KIF6: variants seen among roughly 807,000 people sequenced by gnomAD.
KIF6 encodes the protein kinesin family member 6, also known as kinesin-like protein KIF6.
KIF6 carries 106 observed loss-of-function variants against 112.7 expected under a neutral mutation model. The observed-to-expected ratio is 0.94, with a 90% CI of 0.80 to 1.11. The LOEUF is 1.11. Ranked by LOEUF, KIF6 falls within the 50% of genes least tolerant of loss-of-function variation. The pLI is 0.00. For missense variants in KIF6, 929 were observed against 964.0 expected (o/e 0.96, Z 0.48); for synonymous variants, 339 against 339.9 (o/e 1.00, Z 0.03).
intron 10 of KIF6, among the ~76,000 whole-genome samples, chr6:39,559,977 T>C (rs1032140151): frequency 3.3e-5 from 5 of 152,208 alleles, no homozygotes; most frequent in African/African-American, 1.2e-4. Flanking sequence ...CCAGACATAT[T>C]TATACAAAAC....
intron 3 of KIF6, among the ~76,000 whole-genome samples, chr6:39,703,376 C>A (rs1471540074): frequency 1.3e-5 from 2 of 152,078 alleles, no homozygotes; most frequent in Non-Finnish European, 2.9e-5. Flanking sequence ...TACTGGGTAA[C>A]CCCGCAGAAA....
chr6:39,493,223 T>G (rs76992531), intron 13 of KIF6, among the ~76,000 whole-genome samples: 1 of 152,170 alleles, frequency 6.6e-6, no homozygotes. Flanking sequence ...ATGTATATTA[T>G]GGAATTTTAG....
chr6:39,592,387 A>C lies in KIF6; in HGVS notation c.846+3667T>G, dbSNP rs112050250. On this transcript the variant is annotated intron_variant, in intron 7 of 22. Coordinates refer to ENST00000287152, the MANE Select transcript of KIF6 (RefSeq NM_145027.6). The stretch of plus-strand genomic sequence containing the variant: ...TCCTATGAAAATTGACAAAATTTGG[A>C]GTGTTACAATTGGCACTGACACCAT... Among the ~76,000 whole-genome samples, 6 of 152,362 alleles carry C rather than the reference A, an allele frequency of 3.9e-5. 1 individual carries two copies. Among genetic ancestry groups the C allele is most frequent in the Admixed American group, 6.5e-5 (1 of 15,306 alleles).
intron 13 of KIF6, among the ~76,000 whole-genome samples, chr6:39,507,287 G>C (rs926628010): frequency 6.6e-6 from 1 of 152,116 alleles, no homozygotes; most frequent in Non-Finnish European, 1.5e-5. Flanking sequence ...CAGAGAACTG[G>C]AGAATTGCTA....
At chr6:39,713,623 A>C (rs1273234604) in intron 3 of KIF6, among the ~76,000 whole-genome samples, 1 of 152,232 alleles carries the variant, frequency 6.6e-6, no homozygotes, top group Non-Finnish European at 1.5e-5. Flanking sequence ...GCTATCTGAA[A>C]AATGACACAA....
intron 13 of KIF6, among the ~76,000 whole-genome samples, chr6:39,447,318 C>T (rs1352635647): frequency 6.6e-6 from 1 of 152,174 alleles, no homozygotes; most frequent in African/African-American, 2.4e-5. Flanking sequence ...AACAACTAAA[C>T]ATCATCCACC....
intron 2 of KIF6, among the ~76,000 whole-genome samples, chr6:39,717,729 A>C (rs1789945739): frequency 6.6e-6 from 1 of 152,218 alleles, no homozygotes; most frequent in Non-Finnish European, 1.5e-5. Flanking sequence ...GTGGGTAGCC[A>C]ATAAGTATTT....
At chr6:39,591,020 T>C (rs1054133949) in intron 7 of KIF6, among the ~76,000 whole-genome samples, 8 of 152,248 alleles carry the variant, frequency 5.3e-5, no homozygotes, top group Admixed American at 3.9e-4. Context: ...TGATGTTATA[T>C]ACTTCCTTAT....
intron 10 of KIF6, among the ~76,000 whole-genome samples, chr6:39,556,605 A>C (rs1265748906): frequency 2.0e-5 from 3 of 152,164 alleles, no homozygotes; most frequent in Non-Finnish European, 2.9e-5. Context: ...CCAGAGATCA[A>C]GTCTGAGGAT....
At chr6:39,606,157 T>TCTA (rs1445295876) in intron 6 of KIF6, among the ~76,000 whole-genome samples, 1 of 151,874 alleles carries the variant, frequency 6.6e-6, no homozygotes, top group Non-Finnish European at 1.5e-5. Flanking sequence ...CTTCTCTTCC[T>TCTA]CTTCTTCTTC....
chr6:39,438,003 G>A (rs540532436), intron 13 of KIF6, among the ~76,000 whole-genome samples: 38 of 152,252 alleles, frequency 2.5e-4, no homozygotes, highest in South Asian at 4.1e-4. Context: ...TTGAGACAGA[G>A]TGTCACTCTT....
At chr6:39,574,870 C>G (rs1166179454) in intron 10 of KIF6, among the ~76,000 whole-genome samples, 1 of 152,148 alleles carries the variant, frequency 6.6e-6, no homozygotes, top group Non-Finnish European at 1.5e-5. Flanking sequence ...AAATCCTTAG[C>G]CCTGATCTTC....
chr6:39,456,039 G>C (rs1378487030), intron 13 of KIF6, among the ~76,000 whole-genome samples: 2 of 63,146 alleles, frequency 3.2e-5, no homozygotes, highest in African/African-American at 1.3e-4. Flanking sequence ...GATACTCCTC[G>C]AGAAGAGCAA....
At chr6:39,725,151 C>A in intron 1 of KIF6, 94 bp downstream of exon 1, 2 of 1,063,174 alleles carry the variant, frequency 1.9e-6, no homozygotes, top group Admixed American at 5.3e-5. Flanking sequence ...CACCAGCAAG[C>A]CCCTCACCTC....
intron 3 of KIF6, among the ~76,000 whole-genome samples, chr6:39,669,224 G>C (rs1230248879): frequency 6.6e-6 from 1 of 152,060 alleles, no homozygotes; most frequent in African/African-American, 2.4e-5. Context: ...ACTTTACAAA[G>C]GGTCCATTAT....
chr6:39,585,926 C>CA (rs1781599792), intron 8 of KIF6, among the ~76,000 whole-genome samples: 1 of 152,180 alleles, frequency 6.6e-6, no homozygotes, highest in Non-Finnish European at 1.5e-5. Flanking sequence ...GTCATCAGGG[C>CA]AAAATCAAGC....
chr6:39,334,737 G>T lies in KIF6; in HGVS notation c.*1795C>A. On this transcript the variant is annotated 3_prime_UTR_variant, in exon 23 of 23. Transcript: ENST00000287152. ...TGCTGCTGCTACATAGGGGACTGGGGCAAATGCCATGCCATCTTCAGGGCT... is the reference window on the plus strand; with the variant it reads ...TGCTGCTGCTACATAGGGGACTGGGTCAAATGCCATGCCATCTTCAGGGCT... The T allele has an allele frequency of 6.6e-6, 1 of 152,590 alleles. No individual in the cohort carries two copies. The highest frequency in any genetic ancestry group is 1.5e-5 in the Non-Finnish European group (1 of 68,244). The allele number at this position is 152,590 out of a possible 1,614,324, so 9.5% of individuals were successfully genotyped here.
intron 3 of KIF6, among the ~76,000 whole-genome samples, chr6:39,712,450 T>G (rs762790727): frequency 2.6e-5 from 4 of 152,114 alleles, no homozygotes; most frequent in Non-Finnish European, 4.4e-5. Context: ...TGCCTGTCGT[T>G]TTTGAAACCT....
intron 5 of KIF6, among the ~76,000 whole-genome samples, chr6:39,627,033 T>A (rs1468816763): frequency 6.6e-6 from 1 of 152,172 alleles, no homozygotes; most frequent in African/African-American, 2.4e-5. Flanking sequence ...TTATGCTATG[T>A]CCTGGAATCA....
Sources: allele counts gnomAD v4.1 joint callset (sites outside exome capture counted in the v4.1 genomes callset), GRCh38; gene constraint gnomAD v4.1.1; transcripts MANE v1.5; gene names NCBI Gene and HGNC (gene_info 2026-07-23, HGNC 2026-07-21).